The following PLCE1 variants were observed in gnomAD, a reference collection of about 807,000 sequenced individuals.
PLCE1 encodes the protein 1-phosphatidylinositol 4,5-bisphosphate phosphodiesterase epsilon-1.
A neutral mutation model predicts 242.8 loss-of-function variants in PLCE1; 119 were observed. The observed-to-expected ratio is 0.49, with a 90% CI of 0.42 to 0.57. The LOEUF is 0.57. PLCE1 is among the 20% of genes least tolerant of loss of function. The probability of loss-of-function intolerance (pLI) is 0.00; values close to 1 mark genes in which losing one functional copy is unlikely to be tolerated. For synonymous variants in PLCE1, 945 were observed against 1,017.4 expected (o/e 0.93, Z 1.35); for missense variants, 2,441 against 2,788.8 (o/e 0.88, Z 2.81).
chr10:94,167,405 T>C (rs1026052972), intron 3 of PLCE1, among the ~76,000 whole-genome samples: 2 of 152,228 alleles, frequency 1.3e-5, no homozygotes, highest in African/African-American at 4.8e-5. Context: ...GCTTATTGTT[T>C]ATGTCCTTTC....
At chr10:94,137,823 T>A (rs370253356) in intron 3 of PLCE1, 159 of 225,606 alleles carry the variant, frequency 7.0e-4, no homozygotes, top group African/African-American at 3.4e-3. Flanking sequence ...AGCCACCCAA[T>A]GAAGCTTTAC....
intron 2 of PLCE1, among the ~76,000 whole-genome samples, chr10:94,085,565 C>T (rs2044789198): frequency 6.6e-6 from 1 of 152,162 alleles, no homozygotes; most frequent in Non-Finnish European, 1.5e-5. Context: ...CAGGGTGTTC[C>T]ACATGTCCAT....
chr10:94,297,627 A>T (rs2052884848), intron 23 of PLCE1, among the ~76,000 whole-genome samples: 1 of 109,612 alleles, frequency 9.1e-6, no homozygotes, highest in South Asian at 3.1e-4. Flanking sequence ...AAAAAAAAAA[A>T]GTGCAGTATC....
At chr10:94,230,762 A>G (rs557557338) in intron 5 of PLCE1, among the ~76,000 whole-genome samples, 1 of 152,258 alleles carries the variant, frequency 6.6e-6, no homozygotes, top group Non-Finnish European at 1.5e-5. Context: ...GGAGTGTACC[A>G]GCACAATGGC....
chr10:94,291,255 C>T (rs964974432), intron 22 of PLCE1, among the ~76,000 whole-genome samples: 11 of 152,168 alleles, frequency 7.2e-5, no homozygotes, highest in African/African-American at 2.7e-4. Context: ...TCCCAAGTCG[C>T]TGGGACTACT....
At chr10:94,288,997 C>T (rs1172666872) in intron 22 of PLCE1, among the ~76,000 whole-genome samples, 1 of 152,162 alleles carries the variant, frequency 6.6e-6, no homozygotes, top group Non-Finnish European at 1.5e-5. Flanking sequence ...GGCCATCCCC[C>T]ATGGCTGTTC....
At chr10:94,289,086 G>T (rs1385957472) in intron 22 of PLCE1, among the ~76,000 whole-genome samples, 5 of 152,102 alleles carry the variant, frequency 3.3e-5, no homozygotes, top group Admixed American at 2.6e-4. Context: ...GAAATGAGAG[G>T]GCTTGGAACA....
intron 2 of PLCE1, among the ~76,000 whole-genome samples, chr10:94,110,102 A>C (rs2422399): frequency 7.5e-6 from 1 of 133,386 alleles, no homozygotes; most frequent in Non-Finnish European, 1.5e-5. Flanking sequence ...TCGCTCTGTC[A>C]CCCAGGCTGG....
At chr10:94,241,368 T>C (rs1339114856) in intron 7 of PLCE1, among the ~76,000 whole-genome samples, 2 of 152,212 alleles carry the variant, frequency 1.3e-5, no homozygotes, top group Non-Finnish European at 2.9e-5. Flanking sequence ...TCTTGCTAAA[T>C]TAAAATCAGA....
rs976432572 is a variant in PLCE1, at chr10:94,328,689, A to C, written c.*746A>C. Reference sequence around the variant, plus strand: ...CAAGTGTAAATATGTCCTATAACATAAGAGTCATTAAAATTCAATTTAGTT... The same window carrying C: ...CAAGTGTAAATATGTCCTATAACATCAGAGTCATTAAAATTCAATTTAGTT... On this transcript the variant is annotated 3_prime_UTR_variant, in exon 33 of 33. Transcript: ENST00000371380. The C allele has an allele frequency of 2.6e-5, 4 of 152,232 alleles. No individual in the cohort carries two copies. The highest frequency in any genetic ancestry group is 6.5e-5 in the Admixed American group (1 of 15,288). 9.4% of individuals were successfully genotyped at this position (152,232 alleles called of 1,614,324 possible).
chr10:94,148,266 G>A (rs1402878112), intron 3 of PLCE1, among the ~76,000 whole-genome samples: 2 of 152,180 alleles, frequency 1.3e-5, no homozygotes, highest in Non-Finnish European at 2.9e-5. Flanking sequence ...AGGCTTAGAT[G>A]CAGGATATGT....
At chr10:93,994,830 A>G (rs919503147) in intron 1 of PLCE1, among the ~76,000 whole-genome samples, 8 of 152,228 alleles carry the variant, frequency 5.3e-5, no homozygotes, top group African/African-American at 1.7e-4. Flanking sequence ...AAGCCATCAG[A>G]CACTGAGTTC....
At chr10:94,271,295 G>A (rs1226072148) in intron 18 of PLCE1, among the ~76,000 whole-genome samples, 1 of 149,856 alleles carries the variant, frequency 6.7e-6, no homozygotes, top group Non-Finnish European at 1.5e-5. Context: ...AATCTTATAG[G>A]AGAAGATCAT....
chr10:94,100,396 C>T (rs1193252508), intron 2 of PLCE1: 3 of 152,152 alleles, frequency 2.0e-5, no homozygotes, highest in Non-Finnish European at 4.4e-5. Context: ...GGGTTCCCTC[C>T]TTTCTGCAGA....
chr10:94,096,000 GT>G (rs1564682990), intron 2 of PLCE1, among the ~76,000 whole-genome samples: 1 of 152,166 alleles, frequency 6.6e-6, no homozygotes, highest in Admixed American at 6.5e-5. Context: ...ATCTTCAGCT[GT>G]TATTGGGGGC....
chr10:93,995,680 T>C (rs2060806413), intron 1 of PLCE1, among the ~76,000 whole-genome samples: 1 of 152,248 alleles, frequency 6.6e-6, no homozygotes, highest in African/African-American at 2.4e-5. Context: ...ATTAACACTA[T>C]CCTTTATTTA....
intron 1 of PLCE1, among the ~76,000 whole-genome samples, chr10:94,001,886 A>C (rs1366761174): frequency 2.0e-5 from 3 of 152,256 alleles, no homozygotes. Context: ...TACTCTGGGC[A>C]TGAAATTGTA....
rs781068774 is a variant in PLCE1, at chr10:94,132,306, C to T, written c.1339C>T (p.Arg447Ter). 16 of 1,613,884 alleles carry T rather than the reference C, an allele frequency of 9.9e-6. No homozygotes were observed. The highest frequency in any genetic ancestry group is 1.3e-5 in the Non-Finnish European group (15 of 1,179,972). Residue 447 changes from arginine (R) to a stop codon, truncating the protein, a stop_gained, in exon 3 of 33, where the codon CGA (arginine) becomes TGA (stop). Transcript: ENST00000371380. LOFTEE classifies it high-confidence loss of function. ...SVGPCLKQCV[R>*]DTVCEYRATL... is the part of the protein sequence containing the mutation. ...TGGTCCATGCTTAAAGCAATGTGTCCGAGACACTGTATGTGAGTATCGCGC... is the reference window on the plus strand; with the variant it reads ...TGGTCCATGCTTAAAGCAATGTGTCTGAGACACTGTATGTGAGTATCGCGC...
At chr10:94,299,216 A>G (rs771286853) in intron 24 of PLCE1, among the ~76,000 whole-genome samples, 4 of 152,220 alleles carry the variant, frequency 2.6e-5, no homozygotes, top group Non-Finnish European at 4.4e-5. Context: ...TCCAATGTCA[A>G]TGAGACTCTG....
Sources: allele counts gnomAD v4.1 joint callset (sites outside exome capture counted in the v4.1 genomes callset), GRCh38; gene constraint gnomAD v4.1.1; transcripts MANE v1.5; gene names NCBI Gene and HGNC (gene_info 2026-07-23, HGNC 2026-07-21).